Variants in SORCS1 observed in about 807,000 individuals in gnomAD.
The protein encoded by SORCS1 is VPS10 domain-containing receptor SorCS1.
Under a neutral mutation model 146.1 loss-of-function variants are expected in SORCS1, and 60 were observed. The observed-to-expected ratio is 0.41, with a 90% CI of 0.33 to 0.51. The LOEUF (loss-of-function observed/expected upper bound fraction) is 0.51, where lower values mean the gene tolerates loss of function less well. SORCS1 is among the 20% of genes least tolerant of loss of function. The pLI is 0.21. For synonymous variants in SORCS1, 637 were observed against 584.0 expected, an observed-to-expected ratio of 1.09 and a Z score of -1.31; for missense variants, 1,352 against 1,487.6, an observed-to-expected ratio of 0.91 and a Z score of 1.50.
chr10:107,088,663 C>G (rs1228472799), intron 1 of SORCS1, among the ~76,000 whole-genome samples: 1 of 152,198 alleles, frequency 6.6e-6, no homozygotes, highest in Non-Finnish European at 1.5e-5. Context: ...TCTCTGGGCA[C>G]AGATCACTGG....
chr10:107,033,614 A>G (rs900487630), intron 1 of SORCS1, among the ~76,000 whole-genome samples: 3 of 152,246 alleles, frequency 2.0e-5, no homozygotes, highest in African/African-American at 7.2e-5. Flanking sequence ...CAATTAAATT[A>G]GCAAATTACC....
chr10:106,894,692 T>C (rs950358768), intron 2 of SORCS1, among the ~76,000 whole-genome samples: 1 of 152,212 alleles, frequency 6.6e-6, no homozygotes, highest in South Asian at 2.1e-4. Context: ...AACAAGGTTA[T>C]ACTTAGTTTT....
At position 106,829,961 on chromosome 10, in the gene SORCS1, C is replaced by G. The variant is rs2137011556; in HGVS notation, c.627-288G>C. On this transcript the variant is annotated intron_variant, in intron 2 of 25. Coordinates refer to ENST00000263054, the MANE Select transcript of SORCS1 (RefSeq NM_052918.5). ...TAAAAAGATTAAGAGATGAGGGTGT[C>G]CCTTGATTTGACCAAAGAATTAAAG... 2.0e-5 allele frequency among the ~76,000 whole-genome samples: 3 copies of G among 152,266 alleles called. No individual in the cohort carries two copies. In the South Asian group the frequency reaches 6.2e-4, roughly 32 times the overall value.
At chr10:106,594,020 C>T (rs1845763336) in intron 24 of SORCS1, among the ~76,000 whole-genome samples, 1 of 152,204 alleles carries the variant, frequency 6.6e-6, no homozygotes, top group Non-Finnish European at 1.5e-5. Flanking sequence ...GGAGTTTTTA[C>T]CAGTGGGATT....
chr10:106,617,652 C>T (rs922549004), intron 21 of SORCS1, among the ~76,000 whole-genome samples: 22 of 152,120 alleles, frequency 1.4e-4, no homozygotes, highest in Admixed American at 1.1e-3. Context: ...TGGCTATGTA[C>T]GACATCTAAT....
At chr10:107,150,270 G>T (rs1293357996) in intron 1 of SORCS1, among the ~76,000 whole-genome samples, 1 of 152,182 alleles carries the variant, frequency 6.6e-6, no homozygotes, top group Non-Finnish European at 1.5e-5. Flanking sequence ...TAAAAATTCA[G>T]AACAGCATAA....
chr10:107,006,599 C>T (rs992388057), intron 1 of SORCS1, among the ~76,000 whole-genome samples: 1 of 152,146 alleles, frequency 6.6e-6, no homozygotes, highest in Non-Finnish European at 1.5e-5. Context: ...GGGCAGATCA[C>T]GAGGTCAGGA....
intron 1 of SORCS1, among the ~76,000 whole-genome samples, chr10:107,137,534 C>G (rs1310040282): frequency 6.6e-6 from 1 of 152,174 alleles, no homozygotes; most frequent in East Asian, 1.9e-4. Flanking sequence ...GCAAAAATAT[C>G]TGTCCCAAAA....
intron 2 of SORCS1, among the ~76,000 whole-genome samples, chr10:106,934,287 G>A (rs1043432901): frequency 4.6e-5 from 7 of 151,294 alleles, no homozygotes; most frequent in East Asian, 3.9e-4. Flanking sequence ...AGATGGAGTC[G>A]CGCACTGTCA....
intron 3 of SORCS1, among the ~76,000 whole-genome samples, chr10:106,802,219 G>A (rs969010250): frequency 2.6e-5 from 4 of 152,224 alleles, no homozygotes; most frequent in Non-Finnish European, 5.9e-5. Context: ...TAAGGATGGT[G>A]TAGTCAAAGA....
intron 1 of SORCS1, among the ~76,000 whole-genome samples, chr10:107,007,889 C>A (rs1957524534): frequency 6.6e-6 from 1 of 152,116 alleles, no homozygotes; most frequent in South Asian, 2.1e-4. Flanking sequence ...TTGTTCTTGG[C>A]CAAAAGGCCA....
chr10:106,618,101 T>C (rs1847497947), intron 21 of SORCS1, 48 bp downstream of exon 21: 30 of 1,609,012 alleles, frequency 1.9e-5, no homozygotes, highest in Non-Finnish European at 2.5e-5. Flanking sequence ...CAAGAGAACC[T>C]CCTCTGAGCA....
At chr10:106,914,679 G>A (rs1952327210) in intron 2 of SORCS1, among the ~76,000 whole-genome samples, 1 of 152,150 alleles carries the variant, frequency 6.6e-6, no homozygotes, top group Non-Finnish European at 1.5e-5. Context: ...CCTATTCCAA[G>A]CTACAGTCCT....
chr10:107,176,195 T>A, the SORCS1 span, among the ~76,000 whole-genome samples: 19 of 152,064 alleles, frequency 1.2e-4, no homozygotes, highest in Admixed American at 1.2e-3. Context: ...TATTAAAAAG[T>A]ATTATATGTA....
chr10:107,125,709 C>T (rs1490242049), intron 1 of SORCS1, among the ~76,000 whole-genome samples: 1 of 152,160 alleles, frequency 6.6e-6, no homozygotes, highest in Non-Finnish European at 1.5e-5. Flanking sequence ...AAAACTAATT[C>T]AGTACCACCA....
intron 1 of SORCS1, among the ~76,000 whole-genome samples, chr10:106,970,496 G>A (rs1006673862): frequency 1.3e-5 from 2 of 151,534 alleles, no homozygotes; most frequent in East Asian, 1.9e-4. Flanking sequence ...GCACCACCAC[G>A]CCCGGCTAAT....
intron 2 of SORCS1, among the ~76,000 whole-genome samples, chr10:106,930,657 T>C (rs988272326): frequency 6.6e-6 from 1 of 152,216 alleles, no homozygotes; most frequent in Non-Finnish European, 1.5e-5. Context: ...AGGTGCATTC[T>C]GTTTCATCTT....
intron 2 of SORCS1, among the ~76,000 whole-genome samples, chr10:106,869,125 C>G (rs1278281719): frequency 6.6e-6 from 1 of 152,076 alleles, no homozygotes; most frequent in African/African-American, 2.4e-5. Flanking sequence ...CATACACCCT[C>G]CTAAGAATGA....
rs553859998 is a variant in SORCS1 at position 106,588,853 on chromosome 10, T to G, written c.3265+8498A>C. Among the ~76,000 whole-genome samples the G allele has an allele frequency of 1.1e-3, 100 of 87,838 alleles. 3 individuals are homozygous for G. The South Asian group carries it at 0.04, about 35-fold the overall frequency. 57.6% of individuals were successfully genotyped at this position (87,838 alleles called of 152,430 possible). A position where few individuals can be genotyped will look rare whatever the true frequency, so the allele number is the denominator to read the frequency against. ...TCCAGCCTGGGTGACAGGGCAAGAC[T>G]CCATCTCAAAAAAAAAAAAAAAAAA... On this transcript the variant is annotated intron_variant, in intron 24 of 25. Coordinates refer to ENST00000263054, the MANE Select transcript of SORCS1 (RefSeq NM_052918.5).
Sources: allele counts gnomAD v4.1 joint callset (sites outside exome capture counted in the v4.1 genomes callset), GRCh38; gene constraint gnomAD v4.1.1; transcripts MANE v1.5; gene names NCBI Gene and HGNC (gene_info 2026-07-23, HGNC 2026-07-21).